The following TMEM40 variants were observed in gnomAD, a reference collection of about 807,000 sequenced individuals.
The protein encoded by TMEM40 is transmembrane protein 40.
In TMEM40, 34 loss-of-function variants were observed where a neutral mutation model predicts 40.8. The ratio of observed to expected loss-of-function variants is 0.83; its 90% CI spans 0.63 to 1.11. The LOEUF (loss-of-function observed/expected upper bound fraction) is 1.11, where lower values mean the gene tolerates loss of function less well. Ranked by LOEUF, TMEM40 falls within the 50% of genes least tolerant of loss-of-function variation. TMEM40 has a pLI of 0.00. For missense variants in TMEM40, 296 were observed against 280.2 expected, an observed-to-expected ratio of 1.06 and a Z score of -0.40; for synonymous variants, 106 against 107.0, an observed-to-expected ratio of 0.99 and a Z score of 0.06.
chr3:12,748,789 C>T lies in TMEM40; in HGVS notation c.77G>A (p.Gly26Glu). Reference sequence around the variant, plus strand: ...ATCTTGCTTGTGGAAATCTGTCTCTCCATCTACAAGGCACACAGAGGCCAG... The same window carrying T: ...ATCTTGCTTGTGGAAATCTGTCTCTTCATCTACAAGGCACACAGAGGCCAG... Reference protein sequence around the residue: ...VHRETEDVDYGETDFHKQDGK... With the variant: ...VHRETEDVDYEETDFHKQDGK... Residue 26 changes from glycine (G) to glutamate (E), a missense_variant, in exon 3 of 12, where the codon GGA becomes GAA. Gly to Glu is a moderately conservative substitution (Grantham distance 98). Transcript: ENST00000314124. 1.9e-6 allele frequency: 3 copies of T among 1,613,920 alleles called. No homozygotes were observed. Among genetic ancestry groups the T allele is most frequent in the Non-Finnish European group, 2.5e-6 (3 of 1,179,922 alleles).
chr3:12,756,799 TTCTC>T (rs992439354), intron 1 of TMEM40, among the ~76,000 whole-genome samples: 1 of 144,068 alleles, frequency 6.9e-6, no homozygotes, highest in Admixed American at 6.8e-5. Context: ...CTCTATCTCT[TTCTC>T]TCTCTCTCAC....
chr3:12,743,788 C>G, intron 4 of TMEM40, 112 bp downstream of exon 4: 1 of 1,020,332 alleles, frequency 9.8e-7, no homozygotes, highest in Non-Finnish European at 1.4e-6. Flanking sequence ...AGGCTATTTC[C>G]TATTTTATCC....
intron 1 of TMEM40, among the ~76,000 whole-genome samples, chr3:12,750,059 G>T (rs1444382085): frequency 2.0e-5 from 3 of 152,022 alleles, no homozygotes; most frequent in Non-Finnish European, 4.4e-5. Context: ...GTGGGTATTG[G>T]TTAGGCAACT....
chr3:12,744,089 G>C (rs1000706777), intron 3 of TMEM40, 100 bp from the exon 4 acceptor site: 1 of 1,272,170 alleles, frequency 7.9e-7, no homozygotes, highest in Non-Finnish European at 1.1e-6. Context: ...TTTATGAGAA[G>C]AGTGTGGTTT....
chr3:12,735,796 A>C (rs1318169910), intron 10 of TMEM40, among the ~76,000 whole-genome samples, 179 bp from the exon 11 acceptor site: 2 of 152,242 alleles, frequency 1.3e-5, no homozygotes, highest in Non-Finnish European at 2.9e-5. Flanking sequence ...AACCACGAAC[A>C]GCAGAAGTAG....
At position 12,735,629 on chromosome 3, in the gene TMEM40, C is replaced by T; in HGVS notation, c.620-12G>A. Reference sequence around the variant, plus strand: ...GTGGATACGGTACACTGCTCAGAAGCAAAGAAAAAAGTAAGTTAAGTTTGT... The same window carrying T: ...GTGGATACGGTACACTGCTCAGAAGTAAAGAAAAAAGTAAGTTAAGTTTGT... On this transcript the variant is annotated splice_polypyrimidine_tract_variant and intron_variant, in intron 10 of 11. Transcript: ENST00000314124. 1 of 1,605,370 alleles carries T rather than the reference C, an allele frequency of 6.2e-7. No individual in the cohort carries two copies. Among genetic ancestry groups the T allele is most frequent in the Non-Finnish European group, 8.5e-7 (1 of 1,177,804 alleles).
chr3:12,769,141 G>A (rs1207118438), intron 1 of TMEM40: 2 of 236,100 alleles, frequency 8.5e-6, no homozygotes, highest in Non-Finnish European at 1.9e-5. Flanking sequence ...CGGGACTGGC[G>A]GGGCCTCTCC....
chr3:12,759,753 G>T (rs1159002940), upstream of TMEM40, among the ~76,000 whole-genome samples: 1 of 152,168 alleles, frequency 6.6e-6, no homozygotes, highest in African/African-American at 2.4e-5. Context: ...GGAGGAAACT[G>T]GGTTACAGCT....
intron 4 of TMEM40, among the ~76,000 whole-genome samples, 186 bp from the exon 5 acceptor site, chr3:12,742,693 C>T (rs2061393321): frequency 6.6e-6 from 1 of 152,162 alleles, no homozygotes; most frequent in African/African-American, 2.4e-5. Context: ...GCCCCCAGAA[C>T]TTCCAGAGGT....
intron 5 of TMEM40, 50 bp downstream of exon 5, chr3:12,742,404 C>T: frequency 6.3e-7 from 1 of 1,599,214 alleles, no homozygotes; most frequent in Non-Finnish European, 8.6e-7. Context: ...GCAAAGCCCT[C>T]TTTTCCTTCG....
chr3:12,737,103 C>A (rs1405126558), intron 8 of TMEM40, among the ~76,000 whole-genome samples: 1 of 151,970 alleles, frequency 6.6e-6, no homozygotes, highest in Admixed American at 6.6e-5. Flanking sequence ...TGGTCTCGAA[C>A]TCCTGGCTTC....
intron 5 of TMEM40, 22 bp from the exon 6 acceptor site, chr3:12,738,610 G>T (rs1427416182): frequency 3.1e-6 from 5 of 1,612,002 alleles, no homozygotes; most frequent in Non-Finnish European, 4.2e-6. Flanking sequence ...GGAAATCAGT[G>T]ATCATATACC....
In TMEM40 at chr3:12,754,156, C is replaced by CA. The variant is rs536471525; in HGVS notation, c.-8-4317dup. Reference sequence around the variant, plus strand: ...TGAAACCCCGTCTCTACTAAAAATACAAAAAATTAGCCGGGCATGGTGGCG... The same window carrying CA: ...TGAAACCCCGTCTCTACTAAAAATACAAAAAAATTAGCCGGGCATGGTGGCG... On this transcript the variant is annotated intron_variant, in intron 1 of 11. Transcript: ENST00000314124. Among the ~76,000 whole-genome samples the CA allele has an allele frequency of 5.2e-3, 790 of 152,132 alleles. 6 individuals are homozygous for CA. The highest frequency in any genetic ancestry group is 0.018 in the African/African-American group (742 of 41,514).
At chr3:12,752,874 T>C (rs1270427220) in intron 1 of TMEM40, among the ~76,000 whole-genome samples, 1 of 151,914 alleles carries the variant, frequency 6.6e-6, no homozygotes, top group Non-Finnish European at 1.5e-5. Context: ...GCAAGGGTAG[T>C]TGGTTGCTAA....
At chr3:12,735,679 C>T (rs1192303495) in intron 10 of TMEM40, 62 bp from the exon 11 acceptor site, 15 of 1,453,850 alleles carry the variant, frequency 1.0e-5, no homozygotes, top group African/African-American at 1.4e-5. Context: ...CACCAGGCCA[C>T]CACTGGACAA....
Position 12,765,173 on chromosome 3 carries a change from TAAAA to T in TMEM40, c.-9+4074_-9+4077del, listed in dbSNP as rs563525975. ...CGCCTGGCCTGAAGTTAAATTTTTTTAAAAAATAAAGAGGGAGTAGAGGAAAAGT... is the reference window on the plus strand; with the variant it reads ...CGCCTGGCCTGAAGTTAAATTTTTTTAATAAAGAGGGAGTAGAGGAAAAGT... On this transcript the variant is annotated intron_variant, in intron 1 of 11. Coordinates refer to the TMEM40 transcript ENST00000264728. Among the ~76,000 whole-genome samples the T allele has an allele frequency of 8.9e-3, 1,358 of 152,284 alleles. 18 individuals are homozygous for T. Among genetic ancestry groups the T allele is most frequent in the African/African-American group, 0.031 (1,296 of 41,560 alleles).
At chr3:12,750,902 G>A (rs1208535567) in intron 1 of TMEM40, among the ~76,000 whole-genome samples, 1 of 152,110 alleles carries the variant, frequency 6.6e-6, no homozygotes, top group Non-Finnish European at 1.5e-5. Context: ...ATTGCCAAAT[G>A]ACCCCTGTTG....
chr3:12,748,941 A>C (rs1280617513), intron 2 of TMEM40, 149 bp from the exon 3 acceptor site: 1 of 681,384 alleles, frequency 1.5e-6, no homozygotes, highest in Admixed American at 2.4e-5. Context: ...TGCAACATGC[A>C]GGAGACCAAG....
At position 12,766,845 on chromosome 3, in the gene TMEM40, G is replaced by T. The variant is rs1024151882; in HGVS notation, c.-9+2406C>A. ...AATGCACAAGGAGTTTAGGGGCAGA[G>T]GGGGGACCAGGACCCAGATCTCCTC... On this transcript the variant is annotated intron_variant, in intron 1 of 11. Transcript: ENST00000264728. 6.8e-5 allele frequency among the ~76,000 whole-genome samples: 10 copies of T among 148,032 alleles called. No homozygotes were observed. The East Asian group carries it at 2.0e-3, about 29-fold the overall frequency.
Sources: allele counts gnomAD v4.1 joint callset (sites outside exome capture counted in the v4.1 genomes callset), GRCh38; gene constraint gnomAD v4.1.1; transcripts MANE v1.5; gene names NCBI Gene and HGNC (gene_info 2026-07-23, HGNC 2026-07-21).